NRXN1: variants seen among roughly 807,000 people sequenced by gnomAD.
NRXN1 encodes the protein neurexin 1.
Under a neutral mutation model 150.9 loss-of-function variants are expected in NRXN1, and 39 were observed. The observed-to-expected ratio is 0.26, with a 90% CI of 0.20 to 0.34. The LOEUF is 0.34. NRXN1 is among the 10% of genes least tolerant of loss of function. NRXN1 has a pLI of 1.00. For missense variants in NRXN1, 1,815 were observed against 1,949.9 expected, an observed-to-expected ratio of 0.93 and a Z score of 1.30; for synonymous variants, 924 against 757.0, an observed-to-expected ratio of 1.22 and a Z score of -3.62.
intron 16 of NRXN1, among the ~76,000 whole-genome samples, chr2:50,469,531 C>T (rs1246318615): frequency 6.6e-6 from 1 of 151,374 alleles, no homozygotes; most frequent in East Asian, 1.9e-4. Context: ...GGTTTGGACT[C>T]AAATTCCATG....
chr2:50,546,422 G>T (rs868753453), intron 9 of NRXN1, among the ~76,000 whole-genome samples: 1 of 152,124 alleles, frequency 6.6e-6, no homozygotes. Flanking sequence ...CTTCTGAAAA[G>T]CTCTGCTCTG....
At chr2:50,316,599 C>T (rs75340714) in intron 17 of NRXN1, among the ~76,000 whole-genome samples, 13,063 of 151,936 alleles carry the variant, frequency 0.086, 772 homozygotes, top group Non-Finnish European at 0.13. Flanking sequence ...TAACTGATGT[C>T]ATGTAATAAA....
At chr2:50,379,124 A>C (rs1666481795) in intron 17 of NRXN1, among the ~76,000 whole-genome samples, 1 of 152,130 alleles carries the variant, frequency 6.6e-6, no homozygotes, top group Admixed American at 6.6e-5. Flanking sequence ...AAAGAAAAAA[A>C]AAGACTGGAA....
At chr2:50,259,855 G>A (rs2068074028) in intron 17 of NRXN1, among the ~76,000 whole-genome samples, 1 of 151,742 alleles carries the variant, frequency 6.6e-6, no homozygotes, top group South Asian at 2.1e-4. Context: ...ACAAGTTATT[G>A]TACTTAGTTG....
chr2:50,695,513 T>C (rs924207933), intron 5 of NRXN1, among the ~76,000 whole-genome samples: 2 of 152,200 alleles, frequency 1.3e-5, no homozygotes, highest in Non-Finnish European at 2.9e-5. Flanking sequence ...AGAGATATAG[T>C]CTCTTATTCA....
intron 9 of NRXN1, among the ~76,000 whole-genome samples, chr2:50,541,765 A>G (rs2093395526): frequency 6.6e-6 from 1 of 151,732 alleles, no homozygotes; most frequent in Non-Finnish European, 1.5e-5. Flanking sequence ...ATTCAACTCT[A>G]CAGCCTCTGA....
intron 17 of NRXN1, among the ~76,000 whole-genome samples, chr2:50,372,799 T>C (rs17531335): frequency 0.091 from 13,908 of 152,136 alleles, 847 homozygotes; most frequent in Non-Finnish European, 0.13. Context: ...TCCTCATTTC[T>C]ATATTGATTA....
At chr2:50,972,433 C>T (rs1331381729) in intron 2 of NRXN1, among the ~76,000 whole-genome samples, 1 of 152,222 alleles carries the variant, frequency 6.6e-6, no homozygotes, top group South Asian at 2.1e-4. Flanking sequence ...CTTAGAGCAG[C>T]GATCCCAAAC....
At chr2:50,680,165 G>A (rs1690168139) in intron 5 of NRXN1, among the ~76,000 whole-genome samples, 1 of 151,814 alleles carries the variant, frequency 6.6e-6, no homozygotes, top group South Asian at 2.1e-4. Flanking sequence ...TTGAATTTAG[G>A]AAAAACAACA....
chr2:50,560,365 G>C (rs1285268703), intron 8 of NRXN1, among the ~76,000 whole-genome samples: 1 of 152,174 alleles, frequency 6.6e-6, no homozygotes, highest in Non-Finnish European at 1.5e-5. Flanking sequence ...GGGAGGGCTA[G>C]TGGATAGGGA....
chr2:50,538,559 A>G lies in NRXN1; in HGVS notation c.1837T>C (p.Leu613=). The change falls in exon 10 of 23, where the codon TTG becomes CTG. Residue 613 remains leucine, a synonymous_variant. Transcript: ENST00000401669. ...ESEILDLDDE[L]YLGGLPENKA... ...TTTTCTGGCAGCCCCCCCAGGTACA[A>G]CTCATCATCCAGGTCCAGAATCTCA... 1.3e-6 allele frequency: 2 copies of G among 1,573,694 alleles called. No individual in the cohort carries two copies. The highest frequency in any genetic ancestry group is 2.4e-5 in the South Asian group (2 of 83,254).
At chr2:50,599,604 T>C (rs530920479) in intron 8 of NRXN1, among the ~76,000 whole-genome samples, 3 of 152,260 alleles carry the variant, frequency 2.0e-5, no homozygotes, top group Admixed American at 2.0e-4. Flanking sequence ...ACAGAAATAA[T>C]TCAAGGGAAA....
At chr2:50,082,497 A>T (rs1698117946) in intron 19 of NRXN1, among the ~76,000 whole-genome samples, 1 of 152,240 alleles carries the variant, frequency 6.6e-6, no homozygotes, top group Admixed American at 6.5e-5. Context: ...AAAAGTTCTT[A>T]AACACAGTAA....
At chr2:50,472,263 G>C (rs1320489494) in intron 16 of NRXN1, 35 bp downstream of exon 16, 4 of 1,485,120 alleles carry the variant, frequency 2.7e-6, no homozygotes, top group Non-Finnish European at 3.6e-6. Context: ...GGTGGAATTA[G>C]AATTATTTAG....
intron 18 of NRXN1, among the ~76,000 whole-genome samples, chr2:50,162,987 T>A (rs906504082): frequency 6.6e-6 from 1 of 151,892 alleles, no homozygotes; most frequent in African/African-American, 2.4e-5. Context: ...TTATTTGTGT[T>A]CTACTTTGCT....
At chr2:50,035,349 C>T (rs1237179148) in intron 21 of NRXN1, among the ~76,000 whole-genome samples, 1 of 152,020 alleles carries the variant, frequency 6.6e-6, no homozygotes, top group Non-Finnish European at 1.5e-5. Context: ...TTTCTCTACC[C>T]ACTTACTGAA....
intron 17 of NRXN1, among the ~76,000 whole-genome samples, chr2:50,460,265 A>C (rs575625833): frequency 6.6e-6 from 1 of 152,062 alleles, no homozygotes; most frequent in Non-Finnish European, 1.5e-5. Flanking sequence ...AAGCCAGAAA[A>C]ATTAGAGCAT....
intron 5 of NRXN1, among the ~76,000 whole-genome samples, chr2:50,903,049 T>C (rs2103976797): frequency 6.6e-6 from 1 of 152,196 alleles, no homozygotes; most frequent in African/African-American, 2.4e-5. Flanking sequence ...TACAATAATA[T>C]CACTTTATTC....
At chr2:50,777,250 C>A (rs1420837758) in intron 5 of NRXN1, among the ~76,000 whole-genome samples, 2 of 151,872 alleles carry the variant, frequency 1.3e-5, no homozygotes, top group Admixed American at 6.6e-5. Flanking sequence ...TGTAATATTA[C>A]CTTTAATTTC....
Sources: gnomAD v4.1 joint callset for allele counts (sites outside exome capture counted in the v4.1 genomes callset) on GRCh38, gnomAD v4.1.1 for gene constraint, MANE v1.5 for transcripts, NCBI Gene and HGNC (gene_info 2026-07-23, HGNC 2026-07-21) for gene names.